The following PPP2R3B variants were observed in gnomAD, a reference collection of about 807,000 sequenced individuals.
The protein encoded by PPP2R3B is protein phosphatase 2 regulatory subunit B''beta.
Under a neutral mutation model 72.9 loss-of-function variants are expected in PPP2R3B, and 68 were observed. That is an observed-to-expected ratio of 0.93 (90% CI 0.77 to 1.14). The LOEUF (loss-of-function observed/expected upper bound fraction) is 1.14, where lower values mean the gene tolerates loss of function less well. PPP2R3B is among the 50% of genes most tolerant of loss of function. PPP2R3B has a pLI of 0.00. For missense variants in PPP2R3B, 1,018 were observed against 842.0 expected, an observed-to-expected ratio of 1.21 and a Z score of -2.59; for synonymous variants, 466 against 375.8, an observed-to-expected ratio of 1.24 and a Z score of -2.78.
At position 386,628 on chromosome X, in the gene PPP2R3B, A is replaced by G; in HGVS notation, c.64T>C (p.Trp22Arg). 1 of 1,450,742 alleles carries G rather than the reference A, an allele frequency of 6.9e-7. No homozygotes were observed. The highest frequency in any genetic ancestry group is 9.1e-7 in the Non-Finnish European group (1 of 1,103,052). 89.9% of individuals were successfully genotyped at this position (1,450,742 alleles called of 1,614,324 possible). The part of the protein sequence containing the change: ...KMKVDELFLY[W>R]LSEASTQRML... ...CGCTGCGTGCTGGCCTCGCTGAGCC[A>G]GTACAGGAACAGCTCGTCCACCTTC... Residue 22 changes from tryptophan (W) to arginine (R), a missense_variant, in exon 1 of 13, where the codon TGG (tryptophan) becomes CGG (arginine). By Grantham distance (101) the Trp-to-Arg change is moderately radical (BLOSUM62 -3). Coordinates refer to ENST00000390665, the MANE Select transcript of PPP2R3B (RefSeq NM_013239.5).
At chrX:361,173 A>G (rs112743886) in intron 2 of PPP2R3B, among the ~76,000 whole-genome samples, 22,052 of 152,214 alleles carry the variant, frequency 0.14, 1,920 homozygotes, top group Admixed American at 0.22. Context: ...TCCCACTCGC[A>G]TTTCAGATGC....
intron 1 of PPP2R3B, chrX:373,990 G>A (rs1282443992): frequency 6.6e-6 from 1 of 152,566 alleles, no homozygotes; most frequent in Admixed American, 6.5e-5. Context: ...CGTTCGCTCC[G>A]GGCTGGGCCG....
chrX:360,648 C>T (rs993569406), intron 2 of PPP2R3B, among the ~76,000 whole-genome samples: 16 of 152,152 alleles, frequency 1.1e-4, no homozygotes, highest in African/African-American at 2.4e-4. Flanking sequence ...TCACATGTAC[C>T]GTGCACCGAG....
At chrX:366,755 T>C (rs5945451) in intron 1 of PPP2R3B, among the ~76,000 whole-genome samples, 2,652 of 72,232 alleles carry the variant, frequency 0.037, 99 homozygotes, top group Admixed American at 0.064. Context: ...CCCAGCTACT[T>C]GAGAGGCTGA....
At chrX:346,108 G>T in intron 6 of PPP2R3B, 66 bp downstream of exon 6, 1 of 1,118,894 alleles carries the variant, frequency 8.9e-7, no homozygotes, top group Non-Finnish European at 1.2e-6. Context: ...GGAGGGAAGG[G>T]AAGGGAGTGG....
At position 340,863 on chromosome X, in the gene PPP2R3B, T is replaced by C. The variant is rs759121301; in HGVS notation, c.1253A>G (p.Glu418Gly). The C allele has an allele frequency of 1.4e-5, 22 of 1,611,988 alleles. No individual in the cohort carries two copies. In the Admixed American group the frequency reaches 2.8e-4, roughly 21 times the overall value. The change falls in exon 10 of 13, where the codon GAG (glutamate) becomes GGG (glycine). Residue 418 changes from glutamate to glycine, a missense_variant. Coordinates refer to ENST00000390665, the MANE Select transcript of PPP2R3B (RefSeq NM_013239.5). ...GCTGTCCAGCCTTCGGCACTGCTCC[T>C]CGTAGAAGTACTCGAGCTCGAACAT... ...LSMFELEYFY[E>G]EQCRRLDSMA...
chrX:353,911 T>C (rs2738338), intron 2 of PPP2R3B, among the ~76,000 whole-genome samples: 76,286 of 117,742 alleles, frequency 0.65, 23,968 homozygotes, highest in African/African-American at 0.76. Context: ...ACCCAAAGAC[T>C]GGGGCTCGCC....
intron 10 of PPP2R3B, among the ~76,000 whole-genome samples, chrX:340,207 G>C (rs1421933769): frequency 9.7e-6 from 1 of 103,146 alleles, no homozygotes; most frequent in Non-Finnish European, 2.0e-5. Flanking sequence ...AGACGGGGGG[G>C]GGGGGGGTGA....
rs755442628 is a variant in PPP2R3B, at chrX:382,898, A to C, written c.324+3470T>G. Among the ~76,000 whole-genome samples, 3 of 152,270 alleles carry C rather than the reference A, an allele frequency of 2.0e-5. No homozygotes were observed. In the South Asian group the frequency reaches 6.2e-4, roughly 32 times the overall value. ...AGCTCATTAGCGATCCCACTGAGAA[A>C]GCAAGTCATGGAGGGGAACCATCAT... On this transcript the variant is annotated intron_variant, in intron 1 of 12. Transcript: ENST00000390665.
intron 9 of PPP2R3B, among the ~76,000 whole-genome samples, 158 bp downstream of exon 9, chrX:341,130 CCCCCACCAGGCGTGCACAT>C (rs2071060959): frequency 1.8e-4 from 2 of 11,272 alleles, no homozygotes; most frequent in African/African-American, 3.0e-4. Context: ...TGCCGTGCAG[CCCCCACCAGGCGTGCACAT>C]GTCCCCCTGT....
Position 386,348 on chromosome X carries a change from C to T in PPP2R3B, c.324+20G>A, listed in dbSNP as rs777942136. The T allele has an allele frequency of 2.0e-5, 26 of 1,308,654 alleles. No individual in the cohort carries two copies. The Admixed American group carries it at 4.6e-4, about 23-fold the overall frequency. The allele number at this position is 1,308,654 out of a possible 1,614,324, so 81.1% of individuals were successfully genotyped here. A position where few individuals can be genotyped will look rare whatever the true frequency, so the allele number is the denominator to read the frequency against. On this transcript the variant is annotated intron_variant, in intron 1 of 12. Coordinates refer to ENST00000390665, the MANE Select transcript of PPP2R3B (RefSeq NM_013239.5). ...CCAGAGCCACCTGCGCAGTTGTTAG[C>T]AGAAGGAAGAGTAACTTACTACTCT...
At chrX:355,325 G>A (rs768293672) in intron 2 of PPP2R3B, among the ~76,000 whole-genome samples, 133 of 152,280 alleles carry the variant, frequency 8.7e-4, no homozygotes, top group African/African-American at 3.1e-3. Context: ...CAAACTACAA[G>A]GCGTACTGAA....
At chrX:374,014 G>C (rs1055767357) in intron 1 of PPP2R3B, 4 of 152,546 alleles carry the variant, frequency 2.6e-5, no homozygotes, top group South Asian at 4.1e-4. Flanking sequence ...GGCCGGGCAA[G>C]GGGGCGCTTT....
intron 1 of PPP2R3B, among the ~76,000 whole-genome samples, chrX:384,293 T>C (rs1304556765): frequency 1.3e-5 from 2 of 150,092 alleles, no homozygotes; most frequent in East Asian, 3.9e-4. Flanking sequence ...TATATATATA[T>C]ATATACTTTT....
rs377314098 is a variant in PPP2R3B, at chrX:341,403, C to G, written c.1086-7G>C. Reference sequence around the variant, plus strand: ...CTTCTGCACTTTTCTGCCTCTAGATCGAAAGCCAGGATGGAGAGACGAAGA... The same window carrying G: ...CTTCTGCACTTTTCTGCCTCTAGATGGAAAGCCAGGATGGAGAGACGAAGA... On this transcript the variant is annotated splice_region_variant and splice_polypyrimidine_tract_variant and intron_variant, in intron 8 of 12. Coordinates refer to ENST00000390665, the MANE Select transcript of PPP2R3B (RefSeq NM_013239.5). 2 of 1,612,354 alleles carry G rather than the reference C, an allele frequency of 1.2e-6. No homozygotes were observed. Among genetic ancestry groups the G allele is most frequent in the Non-Finnish European group, 1.7e-6 (2 of 1,179,584 alleles).
chrX:347,616 G>C lies in PPP2R3B; in HGVS notation c.588C>G (p.Val196=). Residue 196 remains valine (V), a synonymous_variant, in exon 3 of 13, where the codon GTC becomes GTG. Transcript: ENST00000390665. ...TTCTCCACATGGCGACGAACTTGTGGACGGACACGGAGCCCGTGCGCTCCC... is the reference window on the plus strand; with the variant it reads ...TTCTCCACATGGCGACGAACTTGTGCACGGACACGGAGCCCGTGCGCTCCC... ...AGGERTGSVS[V]HKFVAMWRKI... The C allele has an allele frequency of 6.3e-7, 1 of 1,579,676 alleles. No individual in the cohort carries two copies. The highest frequency in any genetic ancestry group is 8.6e-7 in the Non-Finnish European group (1 of 1,162,282).
At chrX:352,043 G>C (rs1277382498) in intron 2 of PPP2R3B, among the ~76,000 whole-genome samples, 1 of 152,088 alleles carries the variant, frequency 6.6e-6, no homozygotes, top group African/African-American at 2.4e-5. Context: ...GGAGAGTGCT[G>C]GGCACACAGT....
chrX:345,692 G>T lies in PPP2R3B; in HGVS notation c.880-20C>A, dbSNP rs780273645. The T allele has an allele frequency of 6.2e-7, 1 of 1,610,038 alleles. No individual in the cohort carries two copies. Among genetic ancestry groups the T allele is most frequent in the Non-Finnish European group, 8.5e-7 (1 of 1,178,194 alleles). On this transcript the variant is annotated intron_variant, in intron 6 of 12. Coordinates refer to ENST00000390665, the MANE Select transcript of PPP2R3B (RefSeq NM_013239.5). ...CACATTCTGCCAAAGGACCCAGGCG[G>T]CCTGAGCGCGGGGCCTCTGCGGGGA... is the stretch of plus-strand genomic sequence containing the variant.
At chrX:369,405 G>C (rs1474416537) in intron 1 of PPP2R3B, among the ~76,000 whole-genome samples, 1 of 152,212 alleles carries the variant, frequency 6.6e-6, no homozygotes, top group African/African-American at 2.4e-5. Context: ...TATTTCTGTT[G>C]AGGGCACTGA....
Sources: gnomAD v4.1 joint callset for allele counts (sites outside exome capture counted in the v4.1 genomes callset) on GRCh38, gnomAD v4.1.1 for gene constraint, MANE v1.5 for transcripts, NCBI Gene and HGNC (gene_info 2026-07-23, HGNC 2026-07-21) for gene names.